ZNF217: variants seen among roughly 807,000 people sequenced by gnomAD.
The protein encoded by ZNF217 is zinc finger protein 217.
A neutral mutation model predicts 73.3 loss-of-function variants in ZNF217; 12 were observed. The observed-to-expected ratio is 0.16, with a 90% CI of 0.10 to 0.27. ZNF217 has a LOEUF of 0.27. Among genes scored for constraint, ZNF217 ranks in the 10% least tolerant of loss-of-function variants. The pLI is 1.00. For missense variants in ZNF217, 1,195 were observed against 1,327.8 expected, an observed-to-expected ratio of 0.90 and a Z score of 1.55; for synonymous variants, 588 against 516.4, an observed-to-expected ratio of 1.14 and a Z score of -1.88.
chr20:53,579,601 T>A (rs1381316331), intron 2 of ZNF217, among the ~76,000 whole-genome samples: 1 of 152,350 alleles, frequency 6.6e-6, no homozygotes, highest in South Asian at 2.1e-4. Flanking sequence ...ATTTATGGTA[T>A]GTTGCGTCAT....
At chr20:53,593,217 G>A (rs1437285723) in intron 1 of ZNF217, among the ~76,000 whole-genome samples, 4 of 152,034 alleles carry the variant, frequency 2.6e-5, no homozygotes, top group African/African-American at 9.7e-5. Context: ...GGCGCCCTCC[G>A]CCCGGCCCGA....
intron 4 of ZNF217, among the ~76,000 whole-genome samples, chr20:53,573,092 C>T (rs112666724): frequency 0.012 from 1,765 of 151,214 alleles, 42 homozygotes; most frequent in African/African-American, 0.041. Context: ...AAAACAGTGT[C>T]GTATCTGCAG....
At chr20:53,577,511 T>A (rs1265259187) in intron 3 of ZNF217, among the ~76,000 whole-genome samples, 1 of 152,224 alleles carries the variant, frequency 6.6e-6, no homozygotes, top group Non-Finnish European at 1.5e-5. Flanking sequence ...TTATTTAATC[T>A]TCCTAACAGC....
At chr20:53,569,377 G>A (rs1161192333) in intron 5 of ZNF217, 113 bp from the exon 6 acceptor site, 5 of 734,048 alleles carry the variant, frequency 6.8e-6, no homozygotes, top group Non-Finnish European at 9.3e-6. Context: ...GAAATGCAAT[G>A]GGTTCTATTT....
intron 4 of ZNF217, among the ~76,000 whole-genome samples, chr20:53,574,072 A>T (rs1323746881): frequency 6.6e-6 from 1 of 151,688 alleles, no homozygotes; most frequent in African/African-American, 2.4e-5. Context: ...TCCATCTCAA[A>T]AAAAAAAAAA....
In ZNF217 at chr20:53,581,981, C is replaced by A. The variant is rs897677828; in HGVS notation, c.846G>T (p.Lys282Asn). The change falls in exon 2 of 6, where the codon AAG becomes AAT. Residue 282 changes from lysine (K) to asparagine (N), a missense_variant. By Grantham distance (94) the Lys-to-Asn change is moderately conservative (BLOSUM62 0). This residue lies in a region of ZNF217 where 126 missense variants were observed against 114.4 expected (regional missense o/e 1.10). Coordinates refer to ENST00000371471, the MANE Select transcript of ZNF217 (RefSeq NM_006526.3). This position sits in a 1 kb window ranked among gnomAD's most constrained non-coding sequence, Gnocchi z 4.9. ...RPKSHPETGKKPVRCIPQLDP... is the reference protein window; with the variant it reads ...RPKSHPETGKNPVRCIPQLDP... The stretch of plus-strand genomic sequence containing the variant: ...CGAGCTGAGGGATGCATCTGACAGG[C>A]TTCTTCCCCGTTTCAGGGTGAGATT... 6.2e-7 allele frequency: 1 copy of A among 1,614,066 alleles called. No homozygotes were observed. Among genetic ancestry groups the A allele is most frequent in the South Asian group, 1.1e-5 (1 of 91,094 alleles).
At position 53,576,903 on chromosome 20, in the gene ZNF217, C is replaced by G; in HGVS notation, c.1861G>C (p.Ala621Pro). ...CTCTTTTTTAACAGGTCCAGGTAAG[C>G]AGGGGTAGGGTTTTTATTCACTTTA... ...ADKVNKNPTP[A>P]YLDLLKKRSA... The change falls in exon 4 of 6, where the codon GCT becomes CCT. Residue 621 changes from alanine to proline, a missense_variant. Around this residue, in one of 9 missense-constraint regions of ZNF217, gnomAD observed 649 missense variants for 642.8 expected, o/e 1.01. Transcript: ENST00000371471. 1.2e-6 allele frequency: 2 copies of G among 1,614,138 alleles called. No individual in the cohort carries two copies. Among genetic ancestry groups the G allele is most frequent in the South Asian group, 1.1e-5 (1 of 91,082 alleles).
At chr20:53,593,922 G>A (rs1411296012), upstream of ZNF217, 1 of 151,444 alleles carries the variant, frequency 6.6e-6, no homozygotes, top group Non-Finnish European at 1.5e-5. Flanking sequence ...TCAGCCTTTT[G>A]TGCGGACACC....
intron 2 of ZNF217, among the ~76,000 whole-genome samples, chr20:53,579,708 T>C (rs548760188): frequency 1.6e-4 from 25 of 152,382 alleles, no homozygotes; most frequent in African/African-American, 6.0e-4. Flanking sequence ...CCTCTGACTT[T>C]ACAGTTATAT....
chr20:53,584,590 A>G (rs1475523468), intron 1 of ZNF217, among the ~76,000 whole-genome samples: 1 of 152,220 alleles, frequency 6.6e-6, no homozygotes, highest in Non-Finnish European at 1.5e-5. Context: ...ATATAATAGA[A>G]CACTCCAGAG....
chr20:53,585,053 T>G (rs1326053470), intron 1 of ZNF217, among the ~76,000 whole-genome samples: 2 of 147,338 alleles, frequency 1.4e-5, no homozygotes, highest in East Asian at 4.1e-4. Flanking sequence ...GGTTTTTTTT[T>G]TAATGTCCTT....
upstream of ZNF217, among the ~76,000 whole-genome samples, chr20:53,595,220 A>G (rs533240229): frequency 2.2e-4 from 34 of 152,326 alleles, no homozygotes; most frequent in South Asian, 6.2e-3. Context: ...AACCATAGAC[A>G]TAACAAGCAC....
intron 2 of ZNF217, 26 bp from the exon 3 acceptor site, chr20:53,578,476 T>A (rs773996935): frequency 7.0e-7 from 1 of 1,433,230 alleles, no homozygotes. Context: ...AAAATATTTA[T>A]ATAAGAAGGT....
In ZNF217 at chr20:53,581,379, T is replaced by TGGAGATGGGAATAGAGAGGG; in HGVS notation, c.1366+62_1366+81dup. 3 of 1,507,364 alleles carry TGGAGATGGGAATAGAGAGGG rather than the reference T, an allele frequency of 2.0e-6. No individual in the cohort carries two copies. The highest frequency in any genetic ancestry group is 1.8e-6 in the Non-Finnish European group (2 of 1,132,860). 93.4% of individuals were successfully genotyped at this position (1,507,364 alleles called of 1,614,324 possible). ...AACCCCATTCCTGGCCAGCGTTGTC[T>TGGAGATGGGAATAGAGAGGG]GGAGATGGGAATAGAGAGGGGGAGA... On this transcript the variant is annotated intron_variant, in intron 2 of 5. Transcript: ENST00000371471. The surrounding 1 kb of genome is among the most constrained non-coding windows in gnomAD (Gnocchi z 4.9).
At position 53,578,311 on chromosome 20, in the gene ZNF217, T is replaced by TC. The variant is rs757527983; in HGVS notation, c.1483+22_1483+23insG. 7.3e-6 allele frequency: 11 copies of TC among 1,497,264 alleles called. No homozygotes were observed. The South Asian group carries it at 1.4e-4, about 19-fold the overall frequency. The allele number at this position is 1,497,264 out of a possible 1,614,324, so 92.7% of individuals were successfully genotyped here. A position where few individuals can be genotyped will look rare whatever the true frequency, so the allele number is the denominator to read the frequency against. On this transcript the variant is annotated intron_variant, in intron 3 of 5. Transcript: ENST00000371471. ...ACTACATAATTTAACTAATGCATGG[T>TC]TAAAAAAATAAAAGTTCTTTACCTG...
In ZNF217 at chr20:53,576,521, A is replaced by C. The variant is rs373164736; in HGVS notation, c.2243T>G (p.Leu748Trp). The change falls in exon 4 of 6, where the codon TTG becomes TGG. Residue 748 changes from leucine (L) to tryptophan (W), a missense_variant. By Grantham distance (61) the Leu-to-Trp change is moderately conservative (BLOSUM62 -2). Transcript: ENST00000371471. Reference sequence around the variant, plus strand: ...GCATCCGGTACGTCGACTTCTAAGCAAGGACTTGTTTCGACAGTTTTTATG... The same window carrying C: ...GCATCCGGTACGTCGACTTCTAAGCCAGGACTTGTTTCGACAGTTTTTATG... Reference protein sequence around the residue: ...DVHKNCRNKSLLRSRRTGCPP... With the variant: ...DVHKNCRNKSWLRSRRTGCPP... 5.4e-5 allele frequency: 87 copies of C among 1,614,240 alleles called. 1 individual carries two copies. Among genetic ancestry groups the C allele is most frequent in the East Asian group, 3.1e-4 (14 of 44,888 alleles).
rs576957726 is a variant in ZNF217 at position 53,585,221 on chromosome 20, A to G, written c.-342-2053T>C. 1.6e-4 allele frequency among the ~76,000 whole-genome samples: 25 copies of G among 152,132 alleles called. No individual in the cohort carries two copies. In the East Asian group the frequency reaches 4.8e-3, roughly 29 times the overall value. On this transcript the variant is annotated intron_variant, in intron 1 of 5. Coordinates refer to ENST00000371471, the MANE Select transcript of ZNF217 (RefSeq NM_006526.3). ...TGGGGAACTCCACTTCTCTACTGAC[A>G]TCCTTTAGAAAAAGAGACACCAGCT...
At chr20:53,577,817 C>T (rs1027945242) in intron 3 of ZNF217, among the ~76,000 whole-genome samples, 3 of 152,176 alleles carry the variant, frequency 2.0e-5, no homozygotes, top group Non-Finnish European at 2.9e-5. Context: ...GAACTTTGTC[C>T]GGGCGCGGTG....
chr20:53,592,717 G>A (rs1342168196), intron 1 of ZNF217, among the ~76,000 whole-genome samples: 3 of 151,564 alleles, frequency 2.0e-5, no homozygotes, highest in Non-Finnish European at 2.9e-5. Flanking sequence ...CCCCAGCAGC[G>A]CCCTCCGCCT....
Sources: allele counts gnomAD v4.1 joint callset (sites outside exome capture counted in the v4.1 genomes callset), GRCh38; gene constraint gnomAD v4.1.1; regional missense constraint gnomAD v4.1.1; non-coding constraint Gnocchi (gnomAD v3.1); transcripts MANE v1.5; gene names NCBI Gene and HGNC (gene_info 2026-07-23, HGNC 2026-07-21).